Variants in BAG6 observed in about 807,000 individuals in gnomAD.
BAG6 encodes BAG cochaperone 6.
Under a neutral mutation model 121.0 loss-of-function variants are expected in BAG6, and 22 were observed. That is an observed-to-expected ratio of 0.18 (90% CI 0.13 to 0.26). BAG6 has a LOEUF of 0.26. BAG6 is among the 10% of genes least tolerant of loss of function. The pLI, the probability that BAG6 is intolerant of heterozygous loss-of-function variation, is 1.00. For missense variants in BAG6, 1,233 were observed against 1,537.7 expected, an observed-to-expected ratio of 0.80 and a Z score of 3.31; for synonymous variants, 583 against 584.6, an observed-to-expected ratio of 1.00 and a Z score of 0.04.
At chr6:31,642,013 T>C in intron 16 of BAG6, 68 bp from the exon 17 acceptor site, 2 of 1,598,326 alleles carry the variant, frequency 1.3e-6, no homozygotes, top group Non-Finnish European at 1.7e-6. Context: ...AACCAGATCA[T>C]CAACCTCATC....
chr6:31,649,988 C>A (rs1015636524), intron 2 of BAG6, among the ~76,000 whole-genome samples: 2 of 151,808 alleles, frequency 1.3e-5, no homozygotes, highest in Non-Finnish European at 2.9e-5. Flanking sequence ...GTAATCCCAG[C>A]TACTAGGGAG....
chr6:31,639,740 G>A (rs1261429180), intron 24 of BAG6, 94 bp from the exon 25 acceptor site: 2 of 1,398,274 alleles, frequency 1.4e-6, no homozygotes, highest in African/African-American at 2.9e-5. Context: ...CCACTCCACT[G>A]AGTCTCCATG....
chr6:31,648,163 G>A (rs1035386153), intron 6 of BAG6, among the ~76,000 whole-genome samples: 11 of 151,922 alleles, frequency 7.2e-5, no homozygotes, highest in Admixed American at 1.3e-4. Flanking sequence ...CTACAGGCGC[G>A]TGCCACCACA....
chr6:31,643,949 G>C lies in BAG6; in HGVS notation c.1697C>G (p.Ser566Trp). 1 of 1,613,998 alleles carries C rather than the reference G, an allele frequency of 6.2e-7. No individual in the cohort carries two copies. The highest frequency in any genetic ancestry group is 8.5e-7 in the Non-Finnish European group (1 of 1,180,024). The change falls in exon 14 of 26, where the codon TCG becomes TGG. Residue 566 changes from serine to tryptophan, a missense_variant. By Grantham distance (177) the Ser-to-Trp change is radical. This residue lies in a region of BAG6 where 777 missense variants were observed against 861.4 expected (regional missense o/e 0.90). Transcript: ENST00000676615. ...LQGAGLGTNA[S>W]LAQMVSGLVG... ...AAGGCCGCTCACCATCTGGGCCAACGAGGCATTGGTACCCAGACCGGCGCC... is the reference window on the plus strand; with the variant it reads ...AAGGCCGCTCACCATCTGGGCCAACCAGGCATTGGTACCCAGACCGGCGCC...
intron 1 of BAG6, 41 bp from the exon 2 acceptor site, chr6:31,651,817 A>T: frequency 6.8e-7 from 1 of 1,472,136 alleles, no homozygotes; most frequent in Non-Finnish European, 9.5e-7. Context: ...TGTTGCCCAG[A>T]CCAGAGTGTA....
chr6:31,649,729 G>A (rs2151000064), intron 2 of BAG6, 102 bp from the exon 3 acceptor site: 1 of 920,882 alleles, frequency 1.1e-6, no homozygotes, highest in South Asian at 1.4e-5. Flanking sequence ...AACCACCACA[G>A]AATCACTACC....
intron 7 of BAG6, 30 bp from the exon 8 acceptor site, chr6:31,646,553 A>G (rs185089293): frequency 6.2e-7 from 1 of 1,607,842 alleles, no homozygotes; most frequent in African/African-American, 1.3e-5. Flanking sequence ...GCAATGAGCC[A>G]AAGCCTTCCT....
At position 31,640,448 on chromosome 6, in the gene BAG6, G is replaced by GC. The variant is rs750783410; in HGVS notation, c.3074dup (p.Ser1026LeufsTer4). 1.2e-6 allele frequency: 2 copies of GC among 1,613,614 alleles called. No homozygotes were observed. Among genetic ancestry groups the GC allele is most frequent in the Non-Finnish European group, 8.5e-7 (1 of 1,180,042 alleles). ...AAGCTCCATCCTGTTCATCCCGGGA[G>GC]CCCCCCTCAGGAGCAGGAGGTGGAC... On this transcript the variant is annotated frameshift_variant, in exon 23 of 26. Transcript: ENST00000676615. LOFTEE classifies it high-confidence loss of function. The surrounding 1 kb of genome is among the most constrained non-coding windows in gnomAD (Gnocchi z 4.2).
In BAG6 at chr6:31,644,362, G is replaced by A. The variant is rs1432272835; in HGVS notation, c.1500C>T (p.Val500=). 1.4e-5 allele frequency: 22 copies of A among 1,551,358 alleles called. No individual in the cohort carries two copies. The highest frequency in any genetic ancestry group is 4.1e-5 in the African/African-American group (3 of 73,064). The change falls in exon 12 of 26, where the codon GTC becomes GTT. Residue 500 remains valine (V), a synonymous_variant. Transcript: ENST00000676615. The surrounding 1 kb of genome is among the most constrained non-coding windows in gnomAD (Gnocchi z 4.9). ...TGGCCTGATGAGTGATCTGGTGGGC[G>A]ACGGCGTGCATGAACTCAGGGGGCA... The part of the protein sequence containing the change: ...PSLPPEFMHA[V]AHQITHQAMV...
Position 31,645,585 on chromosome 6 carries a change from T to A in BAG6, c.938A>T (p.Asp313Val). 6.2e-7 allele frequency: 1 copy of A among 1,613,096 alleles called. No homozygotes were observed. The change falls in exon 9 of 26, where the codon GAT (aspartate) becomes GTT (valine). Residue 313 changes from aspartate to valine, a missense_variant. Asp to Val is a radical substitution (Grantham distance 152). Coordinates refer to ENST00000676615, the MANE Select transcript of BAG6 (RefSeq NM_001387994.1). The part of the protein sequence containing the change: ...YNNNHEGREE[D>V]QRLINLVGES... ...CCCTACCAAGTTGATCAACCGCTGA[T>A]CCTCCTCCCGGCCCTCGTGCTGCGC... is the stretch of plus-strand genomic sequence containing the variant.
chr6:31,648,701 T>C lies in BAG6; in HGVS notation c.528A>G (p.Ile176Met). The C allele has an allele frequency of 6.2e-7, 1 of 1,614,054 alleles. No individual in the cohort carries two copies. ...CCTCCATCCGGGATAGTAAGGTCTG[T>C]ATATCCCTGATCATGTGCTGAGCCA... ...LVMAQHMIRD[I>M]QTLLSRMECR... The change falls in exon 6 of 26, where the codon ATA (isoleucine) becomes ATG (methionine). Residue 176 changes from isoleucine to methionine, a missense_variant. Physicochemically the swap from Ile to Met is conservative, Grantham distance 10. Transcript: ENST00000676615.
chr6:31,639,906 G>A, intron 24 of BAG6: 1 of 617,830 alleles, frequency 1.6e-6, no homozygotes, highest in Admixed American at 3.0e-5. Flanking sequence ...CCGGGATTCA[G>A]AGCTAGGTAA....
chr6:31,641,170 C>T lies in BAG6; in HGVS notation c.2721G>A (p.Leu907=), dbSNP rs764146749. Reference sequence around the variant, plus strand: ...CCCCCAAGCAGTGCAGGTTTAGGGCCAGGCATTCAAACAGGCCTTGGTTAC... The same window carrying T: ...CCCCCAAGCAGTGCAGGTTTAGGGCTAGGCATTCAAACAGGCCTTGGTTAC... ...ELCNQGLFEC[L]ALNLHCLGGQ... The change falls in exon 20 of 26, where the codon CTG becomes CTA. Residue 907 remains leucine, a synonymous_variant. Transcript: ENST00000676615. The surrounding 1 kb of genome is among the most constrained non-coding windows in gnomAD (Gnocchi z 5.7). The T allele has an allele frequency of 6.2e-7, 1 of 1,613,604 alleles. No homozygotes were observed.
Position 31,644,063 on chromosome 6 carries a change from C to A in BAG6, c.1668+19G>T, listed in dbSNP as rs2077102. ...CTCCCTAGACTGTTACGCACTAGAACTCCCCGACCCTTGCTCACCAGTGTC... is the reference window on the plus strand; with the variant it reads ...CTCCCTAGACTGTTACGCACTAGAAATCCCCGACCCTTGCTCACCAGTGTC... On this transcript the variant is annotated intron_variant, in intron 13 of 25. Transcript: ENST00000676615. The surrounding 1 kb of genome is among the most constrained non-coding windows in gnomAD (Gnocchi z 4.9). The A allele has an allele frequency of 0.14, 218,689 of 1,612,418 alleles. 17,085 individuals are homozygous for A. Among genetic ancestry groups the A allele is most frequent in the Admixed American group, 0.21 (12,848 of 59,884 alleles).
rs146589516 is a variant in BAG6, at chr6:31,649,184, G to A, written c.423+15C>T. Reference sequence around the variant, plus strand: ...GCTACCCACAAAAGCCCTCCCCTGTGGAACATAAGCTTACAGGAAGATTGA... The same window carrying A: ...GCTACCCACAAAAGCCCTCCCCTGTAGAACATAAGCTTACAGGAAGATTGA... On this transcript the variant is annotated intron_variant, in intron 4 of 25. Coordinates refer to ENST00000676615, the MANE Select transcript of BAG6 (RefSeq NM_001387994.1). 1,722 of 1,612,762 alleles carry A rather than the reference G, an allele frequency of 1.1e-3. 17 individuals are homozygous for A. The African/African-American group carries it at 0.02, about 19-fold the overall frequency.
intron 9 of BAG6, 36 bp downstream of exon 9, chr6:31,645,371 C>T (rs996209585): frequency 6.8e-6 from 11 of 1,612,794 alleles, no homozygotes; most frequent in African/African-American, 1.3e-5. Flanking sequence ...ATCAACACCC[C>T]TCACTCTCCC....
At chr6:31,645,832 TCTC>T (rs1332663292) in intron 8 of BAG6, among the ~76,000 whole-genome samples, 1 of 152,206 alleles carries the variant, frequency 6.6e-6, no homozygotes, top group Non-Finnish European at 1.5e-5. Context: ...CATATACTGA[TCTC>T]CTGTACTTTA....
chr6:31,647,558 C>T (rs1791174627), intron 7 of BAG6, 33 bp downstream of exon 7: 1 of 1,607,448 alleles, frequency 6.2e-7, no homozygotes, highest in African/African-American at 1.3e-5. Context: ...ACTTAGGATT[C>T]CCCACCCACT....
intron 8 of BAG6, 126 bp from the exon 9 acceptor site, chr6:31,645,730 G>T (rs1014793376): frequency 1.7e-6 from 2 of 1,160,194 alleles, no homozygotes; most frequent in Non-Finnish European, 2.5e-6. Flanking sequence ...ATCCTTGGAA[G>T]TTTACATGTA....
Sources: allele counts gnomAD v4.1 joint callset (sites outside exome capture counted in the v4.1 genomes callset), GRCh38; gene constraint gnomAD v4.1.1; regional missense constraint gnomAD v4.1.1; non-coding constraint Gnocchi (gnomAD v3.1); transcripts MANE v1.5; gene names NCBI Gene and HGNC (gene_info 2026-07-23, HGNC 2026-07-21).